MFN1: variants seen among roughly 807,000 people sequenced by gnomAD.
MFN1 encodes mitofusin 1.
In MFN1, 65 loss-of-function variants were observed where a neutral mutation model predicts 92.4. That is an observed-to-expected ratio of 0.70 (90% CI 0.58 to 0.86). The LOEUF is 0.86. Ranked by LOEUF, MFN1 falls within the 40% of genes least tolerant of loss-of-function variation. MFN1 has a pLI of 0.00. For missense variants in MFN1, 781 were observed against 868.0 expected, an observed-to-expected ratio of 0.90 and a Z score of 1.26; for synonymous variants, 297 against 300.9, an observed-to-expected ratio of 0.99 and a Z score of 0.13.
chr3:179,387,180 T>C (rs1276446610), intron 16 of MFN1, among the ~76,000 whole-genome samples: 1 of 152,048 alleles, frequency 6.6e-6, no homozygotes, highest in Non-Finnish European at 1.5e-5. Context: ...TCCTCAAGCC[T>C]CCTGAGTAGC....
intron 1 of MFN1, 30 bp from the exon 2 acceptor site, chr3:179,348,815 T>A (rs1712024387): frequency 6.2e-7 from 1 of 1,602,306 alleles, no homozygotes; most frequent in African/African-American, 1.3e-5. Context: ...CCACTTTAGT[T>A]GGTGCTTTTC....
rs765945630 is a variant in MFN1 at position 179,359,031 on chromosome 3, T to A, written c.411+29T>A. The stretch of plus-strand genomic sequence containing the variant: ...TGATCTTTAACCTTTAGCAGAATAA[T>A]ATACCTGAAACAATGTCCTGAACTT... On this transcript the variant is annotated intron_variant, in intron 4 of 17. Transcript: ENST00000471841. 3 of 1,595,622 alleles carry A rather than the reference T, an allele frequency of 1.9e-6. No individual in the cohort carries two copies. The Admixed American group carries it at 5.2e-5, about 28-fold the overall frequency.
intron 9 of MFN1, among the ~76,000 whole-genome samples, chr3:179,369,208 C>T (rs1201291895): frequency 7.0e-6 from 1 of 143,616 alleles, no homozygotes; most frequent in African/African-American, 3.0e-5. Context: ...TGATGCTCTC[C>T]TCACCTCTTT....
In MFN1 at chr3:179,394,194, A is replaced by G. The variant is rs1466480860; in HGVS notation, c.*2135A>G. ...AAAAAGTGTGGATCCTTGGGTCTGA[A>G]CCCAGACCTATGGAGTCAGACAGTA... On this transcript the variant is annotated 3_prime_UTR_variant, in exon 18 of 18. Transcript: ENST00000471841. 1 of 152,034 alleles carries G rather than the reference A, an allele frequency of 6.6e-6. No individual in the cohort carries two copies. Among genetic ancestry groups the G allele is most frequent in the Non-Finnish European group, 1.5e-5 (1 of 68,016 alleles). 9.4% of individuals were successfully genotyped at this position (152,034 alleles called of 1,614,324 possible).
At chr3:179,375,195 G>A (rs1713190226) in intron 9 of MFN1, 25 bp from the exon 10 acceptor site, 3 of 1,590,540 alleles carry the variant, frequency 1.9e-6, no homozygotes, top group African/African-American at 2.7e-5. Context: ...TTACAGTAAT[G>A]TGTTACGGCT....
At chr3:179,382,529 CAT>C (rs751241409) in intron 14 of MFN1, among the ~76,000 whole-genome samples, 38 of 152,318 alleles carry the variant, frequency 2.5e-4, no homozygotes, top group Non-Finnish European at 4.6e-4. Flanking sequence ...CTGCAGTAAA[CAT>C]ATGTGTGCAT....
chr3:179,387,729 ATT>A (rs74948664), intron 16 of MFN1, among the ~76,000 whole-genome samples: 9 of 119,660 alleles, frequency 7.5e-5, no homozygotes, highest in East Asian at 2.6e-4. Flanking sequence ...CACCCAGCTA[ATT>A]TTTTTTTTTT....
intron 16 of MFN1, among the ~76,000 whole-genome samples, chr3:179,388,848 A>G (rs551130685): frequency 1.2e-4 from 19 of 152,362 alleles, no homozygotes; most frequent in African/African-American, 4.1e-4. Context: ...GAAATATTCA[A>G]TGTGGCACAT....
At chr3:179,370,636 T>C (rs1712987808) in intron 9 of MFN1, among the ~76,000 whole-genome samples, 1 of 152,094 alleles carries the variant, frequency 6.6e-6, no homozygotes. Flanking sequence ...GGTCTCGATC[T>C]CCTGACCTCA....
rs1345349570 is a variant in MFN1 at position 179,385,701 on chromosome 3, A to G, written c.1795A>G (p.Ile599Val). ...CGTTACATCTAGAACTTCTATGGGCATCATTATTGTTGGAGGAGTGGTAAG... is the reference window on the plus strand; with the variant it reads ...CGTTACATCTAGAACTTCTATGGGCGTCATTATTGTTGGAGGAGTGGTAAG... ...ASVTSRTSMG[I>V]IIVGGVIWKT... The change falls in exon 15 of 18, where the codon ATC becomes GTC. Residue 599 changes from isoleucine to valine, a missense_variant. Physicochemically the swap from Ile to Val is conservative, Grantham distance 29. Transcript: ENST00000471841. 1 of 1,612,988 alleles carries G rather than the reference A, an allele frequency of 6.2e-7. No homozygotes were observed. The highest frequency in any genetic ancestry group is 8.5e-7 in the Non-Finnish European group (1 of 1,179,760).
chr3:179,364,523 A>C (rs1293451574), intron 6 of MFN1, 118 bp downstream of exon 6: 5 of 740,296 alleles, frequency 6.8e-6, no homozygotes, highest in African/African-American at 1.8e-5. Flanking sequence ...AAAAACAGGC[A>C]TGAATGAAGG....
intron 15 of MFN1, 92 bp from the exon 16 acceptor site, chr3:179,386,341 T>G: frequency 1.0e-6 from 1 of 991,246 alleles, no homozygotes. Context: ...TGTATCTAAC[T>G]CAAAGATCCA....
chr3:179,358,978 A>G lies in MFN1; in HGVS notation c.387A>G (p.Gly129=). The change falls in exon 4 of 18, where the codon GGA becomes GGG. Residue 129 remains glycine (G), a synonymous_variant. Transcript: ENST00000471841. ...ATAAAGCCTATCTTATGACAGAAGGATCAGATGAAAAAAAGAGTGTGAAGG... is the reference window on the plus strand; with the variant it reads ...ATAAAGCCTATCTTATGACAGAAGGGTCAGATGAAAAAAAGAGTGTGAAGG... ...DGDKAYLMTE[G]SDEKKSVKTV... 12 of 1,613,836 alleles carry G rather than the reference A, an allele frequency of 7.4e-6. No individual in the cohort carries two copies. The highest frequency in any genetic ancestry group is 9.3e-6 in the Non-Finnish European group (11 of 1,179,940).
intron 4 of MFN1, among the ~76,000 whole-genome samples, chr3:179,359,270 G>A (rs1330013579): frequency 7.3e-5 from 11 of 150,364 alleles, no homozygotes; most frequent in Admixed American, 4.0e-4. Context: ...ACAGGCGTGC[G>A]CCACCACACC....
chr3:179,364,163 C>T (rs1712691648), intron 5 of MFN1, 134 bp from the exon 6 acceptor site: 2 of 568,018 alleles, frequency 3.5e-6, no homozygotes, highest in Non-Finnish European at 6.0e-6. Context: ...GTTAAAATTT[C>T]CTAGACTTCT....
rs751470382 is a variant in MFN1 at position 179,393,535 on chromosome 3, C to T, written c.*1476C>T. ...TTTCAAGGTATCTTAGAAGATAACACTAGGCCATTGAAGCCTTTCAAAAAT... is the reference window on the plus strand; with the variant it reads ...TTTCAAGGTATCTTAGAAGATAACATTAGGCCATTGAAGCCTTTCAAAAAT... On this transcript the variant is annotated 3_prime_UTR_variant, in exon 18 of 18. Coordinates refer to ENST00000471841, the MANE Select transcript of MFN1 (RefSeq NM_033540.3). 6.6e-6 allele frequency: 1 copy of T among 152,158 alleles called. No homozygotes were observed. The highest frequency in any genetic ancestry group is 1.5e-5 in the Non-Finnish European group (1 of 68,032). 9.4% of individuals were successfully genotyped at this position (152,158 alleles called of 1,614,324 possible). A position where few individuals can be genotyped will look rare whatever the true frequency, so the allele number is the denominator to read the frequency against.
chr3:179,391,827 G>C (rs1046910961), intron 17 of MFN1, among the ~76,000 whole-genome samples, 154 bp from the exon 18 acceptor site: 7 of 152,110 alleles, frequency 4.6e-5, no homozygotes, highest in Admixed American at 4.6e-4. Flanking sequence ...ATGACTCTAG[G>C]TAACTTAGGA....
Position 179,374,345 on chromosome 3 carries a change from TAACA to T in MFN1, c.976-874_976-871del, listed in dbSNP as rs1408719323. 2.7e-3 allele frequency among the ~76,000 whole-genome samples: 381 copies of T among 141,282 alleles called. 3 individuals carry two copies. The Middle Eastern group carries it at 0.03, about 11-fold the overall frequency. 92.7% of individuals were successfully genotyped at this position (141,282 alleles called of 152,430 possible). A position where few individuals can be genotyped will look rare whatever the true frequency, so the allele number is the denominator to read the frequency against. ...ATAACATATATATGTAATATATATATAACATATATAACATATATATGTAATATAT... is the reference window on the plus strand; with the variant it reads ...ATAACATATATATGTAATATATATATTATATAACATATATATGTAATATAT... On this transcript the variant is annotated intron_variant, in intron 9 of 17. Transcript: ENST00000471841.
chr3:179,385,902 AACAT>A (rs1372898637), intron 15 of MFN1, among the ~76,000 whole-genome samples, 181 bp downstream of exon 15: 1 of 152,200 alleles, frequency 6.6e-6, no homozygotes, highest in African/African-American at 2.4e-5. Context: ...ATTTTTAAAA[AACAT>A]ACATCTTTAG....
Sources: gnomAD v4.1 joint callset for allele counts (sites outside exome capture counted in the v4.1 genomes callset) on GRCh38, gnomAD v4.1.1 for gene constraint, MANE v1.5 for transcripts, NCBI Gene and HGNC (gene_info 2026-07-23, HGNC 2026-07-21) for gene names.